Variants in ESRRG observed in about 807,000 individuals in gnomAD.
ESRRG encodes the protein estrogen related receptor gamma.
A neutral mutation model predicts 44.0 loss-of-function variants in ESRRG; 13 were observed. The ratio of observed to expected loss-of-function variants is 0.30; its 90% CI spans 0.19 to 0.47. ESRRG has a LOEUF of 0.47. ESRRG is among the 20% of genes least tolerant of loss of function. ESRRG has a pLI of 1.00. For synonymous variants in ESRRG, 215 were observed against 214.6 expected (o/e 1.00, Z -0.02); for missense variants, 395 against 580.6 (o/e 0.68, Z 3.29).
chr1:216,963,691 G>A (rs1428356953), intron 1 of ESRRG, among the ~76,000 whole-genome samples: 4 of 152,184 alleles, frequency 2.6e-5, no homozygotes, highest in African/African-American at 7.2e-5. Flanking sequence ...GGAAACCCGA[G>A]AAGAGGAAAA....
intron 1 of ESRRG, among the ~76,000 whole-genome samples, chr1:216,971,797 C>T (rs17044587): frequency 1.3e-5 from 2 of 152,062 alleles, no homozygotes; most frequent in South Asian, 2.1e-4. Flanking sequence ...AAGAGTGACA[C>T]GTCAAACACT....
chr1:216,901,766 T>C (rs1401413490), intron 2 of ESRRG, among the ~76,000 whole-genome samples: 1 of 151,710 alleles, frequency 6.6e-6, no homozygotes, highest in African/African-American at 2.4e-5. Context: ...GATACTTCTT[T>C]TATTTTTTTC....
intron 2 of ESRRG, among the ~76,000 whole-genome samples, chr1:216,662,772 T>A (rs1013808865): frequency 1.3e-5 from 2 of 152,128 alleles, no homozygotes; most frequent in African/African-American, 4.8e-5. Flanking sequence ...ATTGTACATA[T>A]TTTTGTCTTT....
intron 3 of ESRRG, among the ~76,000 whole-genome samples, chr1:216,587,817 C>A (rs1196841274): frequency 1.8e-4 from 27 of 152,102 alleles, no homozygotes; most frequent in Admixed American, 1.8e-3. Context: ...AAATACAGTG[C>A]TTGATATAAA....
chr1:216,902,352 G>A (rs143420701), intron 2 of ESRRG, among the ~76,000 whole-genome samples: 4 of 152,208 alleles, frequency 2.6e-5, no homozygotes, highest in African/African-American at 7.2e-5. Flanking sequence ...ATCTTGGTGT[G>A]GTGGTGGGTG....
chr1:216,550,370 G>A (rs1049446115), intron 5 of ESRRG, among the ~76,000 whole-genome samples: 8 of 152,080 alleles, frequency 5.3e-5, no homozygotes, highest in Non-Finnish European at 7.4e-5. Flanking sequence ...CTTAAAATGC[G>A]GACGAGGCCT....
At chr1:216,837,711 A>T (rs2095589933) in intron 2 of ESRRG, among the ~76,000 whole-genome samples, 1 of 152,274 alleles carries the variant, frequency 6.6e-6, no homozygotes, top group East Asian at 1.9e-4. Flanking sequence ...ACGAACCTTG[A>T]CCACAGCTTA....
At position 216,806,968 on chromosome 1, in the gene ESRRG, T is replaced by G. The variant is rs12059190; in HGVS notation, c.-13-129477A>C. Among the ~76,000 whole-genome samples the G allele has an allele frequency of 5.8e-3, 883 of 152,322 alleles. 7 individuals are homozygous for G. The highest frequency in any genetic ancestry group is 0.02 in the African/African-American group (828 of 41,580). On this transcript the variant is annotated intron_variant, in intron 2 of 7. Coordinates refer to the ESRRG transcript ENST00000359162. The stretch of plus-strand genomic sequence containing the variant: ...AATCCTATCTGTGAGGCCAGGGCTC[T>G]GTAACTCATCTGTAGCTTCCTCTCG...
intron 2 of ESRRG, among the ~76,000 whole-genome samples, chr1:216,794,265 AG>A (rs1223660007): frequency 6.6e-6 from 1 of 152,194 alleles, no homozygotes; most frequent in African/African-American, 2.4e-5. Context: ...GGGTTTAGGG[AG>A]CAGTATTTAC....
intron 1 of ESRRG, among the ~76,000 whole-genome samples, chr1:216,952,851 G>A (rs1347994044): frequency 6.6e-6 from 1 of 151,778 alleles, no homozygotes; most frequent in Non-Finnish European, 1.5e-5. Context: ...CTAGCACATG[G>A]ACACCACCAA....
intron 1 of ESRRG, among the ~76,000 whole-genome samples, chr1:217,029,760 C>T (rs903442706): frequency 6.6e-6 from 1 of 152,128 alleles, no homozygotes; most frequent in South Asian, 2.1e-4. Flanking sequence ...CTTTCCTATT[C>T]ATAACATTCT....
chr1:216,718,882 C>T (rs1029111653), intron 1 of ESRRG, among the ~76,000 whole-genome samples: 1 of 151,958 alleles, frequency 6.6e-6, no homozygotes, highest in African/African-American at 2.4e-5. Flanking sequence ...CAGATCCTCT[C>T]CTCTTATTTC....
intron 3 of ESRRG, among the ~76,000 whole-genome samples, chr1:216,604,752 C>T (rs1043188304): frequency 1.3e-5 from 2 of 152,158 alleles, no homozygotes; most frequent in South Asian, 2.1e-4. Context: ...CCCTAACCAC[C>T]CTGCATACAT....
intron 2 of ESRRG, among the ~76,000 whole-genome samples, chr1:216,912,948 C>T (rs906401082): frequency 8.6e-5 from 13 of 151,548 alleles, no homozygotes; most frequent in Admixed American, 8.5e-4. Flanking sequence ...ATGATGAAAC[C>T]TCGTCTCTAC....
rs866996552 is a variant in ESRRG, at chr1:216,779,219, T to A, written c.-13-101728A>T. Among the ~76,000 whole-genome samples the A allele has an allele frequency of 1.7e-3, 54 of 31,158 alleles. 2 individuals are homozygous for A. The highest frequency in any genetic ancestry group is 0.018 in the Middle Eastern group (1 of 56). The allele number at this position is 31,158 out of a possible 152,430, so 20.4% of individuals were successfully genotyped here. Reference sequence around the variant, plus strand: ...TATATTTATAAATATAAATATATATTTATATTTATAAATATAAATATATAT... The same window carrying A: ...TATATTTATAAATATAAATATATATATATATTTATAAATATAAATATATAT... On this transcript the variant is annotated intron_variant, in intron 2 of 7. Transcript: ENST00000359162.
intron 2 of ESRRG, among the ~76,000 whole-genome samples, chr1:216,798,427 G>C (rs2094530360): frequency 6.6e-6 from 1 of 152,166 alleles, no homozygotes; most frequent in East Asian, 1.9e-4. Context: ...TGGCATGTGA[G>C]GGAGTTTGGA....
intron 1 of ESRRG, among the ~76,000 whole-genome samples, chr1:217,086,078 A>G (rs1196176730): frequency 6.6e-6 from 1 of 152,236 alleles, no homozygotes; most frequent in Non-Finnish European, 1.5e-5. Flanking sequence ...TTTAAAAATC[A>G]CAATATTATG....
intron 2 of ESRRG, among the ~76,000 whole-genome samples, chr1:216,924,432 C>T (rs564153065): frequency 2.0e-4 from 30 of 152,172 alleles, no homozygotes; most frequent in African/African-American, 1.4e-4. Flanking sequence ...GGGTCCAATT[C>T]GCCTCCACAA....
At chr1:216,847,046 C>A (rs940143163) in intron 2 of ESRRG, among the ~76,000 whole-genome samples, 1 of 152,038 alleles carries the variant, frequency 6.6e-6, no homozygotes, top group Admixed American at 6.6e-5. Flanking sequence ...CAGTCACCAG[C>A]AGGGTGACTA....
Sources: gnomAD v4.1 joint callset for allele counts (sites outside exome capture counted in the v4.1 genomes callset) on GRCh38, gnomAD v4.1.1 for gene constraint, MANE v1.5 for transcripts, NCBI Gene and HGNC (gene_info 2026-07-23, HGNC 2026-07-21) for gene names.